The following SEPTIN7 variants were observed in gnomAD, a reference collection of about 807,000 sequenced individuals.
SEPTIN7 encodes the protein septin-7.
Under a neutral mutation model 63.3 loss-of-function variants are expected in SEPTIN7, and 10 were observed. The observed-to-expected ratio is 0.16, with a 90% CI of 0.10 to 0.27. The LOEUF is 0.27. SEPTIN7 is among the 10% of genes least tolerant of loss of function. The pLI is 1.00. For synonymous variants in SEPTIN7, 131 were observed against 165.3 expected (o/e 0.79, Z 1.59); for missense variants, 310 against 521.0 (o/e 0.59, Z 3.94).
chr7:35,884,924 T>C (rs1787135096), intron 9 of SEPTIN7, among the ~76,000 whole-genome samples: 1 of 152,200 alleles, frequency 6.6e-6, no homozygotes, highest in South Asian at 2.1e-4. Context: ...ATTGTATTGG[T>C]TTAATCTGAT....
intron 3 of SEPTIN7, among the ~76,000 whole-genome samples, chr7:35,856,005 T>C (rs1208567707): frequency 6.6e-6 from 1 of 152,240 alleles, no homozygotes; most frequent in Admixed American, 6.5e-5. Flanking sequence ...TATATTCTTC[T>C]GTCATATCAA....
intron 1 of SEPTIN7, among the ~76,000 whole-genome samples, chr7:35,826,694 T>G (rs1783533366): frequency 6.6e-6 from 1 of 152,116 alleles, no homozygotes; most frequent in Non-Finnish European, 1.5e-5. Flanking sequence ...AGGCATCCAT[T>G]CTGTTACAAA....
intron 1 of SEPTIN7, chr7:35,811,970 CAA>C (rs1265256214): frequency 5.6e-6 from 1 of 177,554 alleles, no homozygotes; most frequent in Non-Finnish European, 1.2e-5. Flanking sequence ...AAAAAACAAA[CAA>C]AAAAATTAGC....
chr7:35,850,005 TTTC>T (rs1463175852), intron 3 of SEPTIN7, among the ~76,000 whole-genome samples: 2 of 152,244 alleles, frequency 1.3e-5, no homozygotes, highest in African/African-American at 4.8e-5. Flanking sequence ...ATTTCTTAAT[TTTC>T]TTTTTAGGGA....
At chr7:35,852,242 CTGACACACAGAAGTATGGT>C (rs1049423524) in intron 3 of SEPTIN7, among the ~76,000 whole-genome samples, 3 of 152,112 alleles carry the variant, frequency 2.0e-5, no homozygotes, top group Admixed American at 1.3e-4. Flanking sequence ...GGTGAGGGCA[CTGACACACAGAAGTATGGT>C]TTGCCCAAGG....
intron 6 of SEPTIN7, among the ~76,000 whole-genome samples, chr7:35,879,381 G>T (rs1786691679): frequency 6.6e-6 from 1 of 152,082 alleles, no homozygotes; most frequent in African/African-American, 2.4e-5. Context: ...CTACTCAGGA[G>T]GCTGAGATGG....
At chr7:35,873,252 A>G (rs1452234769) in intron 5 of SEPTIN7, among the ~76,000 whole-genome samples, 1 of 151,922 alleles carries the variant, frequency 6.6e-6, no homozygotes, top group African/African-American at 2.4e-5. Context: ...ATTGTTTTTG[A>G]GGTAATTTTC....
chr7:35,807,605 C>T (rs1788434578), intron 1 of SEPTIN7, among the ~76,000 whole-genome samples: 1 of 151,860 alleles, frequency 6.6e-6, no homozygotes, highest in South Asian at 2.1e-4. Context: ...CCTCATGATC[C>T]GCCCGTCTTG....
In SEPTIN7 at chr7:35,872,683, T is replaced by A; in HGVS notation, c.294T>A (p.Val98=). ...KKTVQVEQSK[V]LIKEGGVQLL... ...TCTTACAGGTGGAACAATCCAAAGTTTTAATCAAAGAAGGTGGTGTTCAGT... is the reference window on the plus strand; with the variant it reads ...TCTTACAGGTGGAACAATCCAAAGTATTAATCAAAGAAGGTGGTGTTCAGT... The change falls in exon 5 of 14, where the codon GTT becomes GTA. Residue 98 remains valine (V), a synonymous_variant. Coordinates refer to ENST00000350320, the MANE Select transcript of SEPTIN7 (RefSeq NM_001788.6). 6.2e-7 allele frequency: 1 copy of A among 1,612,230 alleles called. No individual in the cohort carries two copies.
At chr7:35,812,236 C>T (rs1416772792) in intron 1 of SEPTIN7, among the ~76,000 whole-genome samples, 2 of 151,746 alleles carry the variant, frequency 1.3e-5, no homozygotes, top group Non-Finnish European at 2.9e-5. Flanking sequence ...AGTAGACCCA[C>T]CAAAAATACT....
chr7:35,850,966 C>T (rs1296486719), intron 3 of SEPTIN7, among the ~76,000 whole-genome samples: 2 of 152,106 alleles, frequency 1.3e-5, no homozygotes, highest in East Asian at 3.8e-4. Flanking sequence ...AGCAGGACTT[C>T]TCAGATTCTT....
At chr7:35,842,940 ATG>A (rs930792898) in intron 3 of SEPTIN7, among the ~76,000 whole-genome samples, 1 of 152,190 alleles carries the variant, frequency 6.6e-6, no homozygotes, top group African/African-American at 2.4e-5. Context: ...TTATATATAT[ATG>A]TGTGTGTGTA....
the SEPTIN7 span, among the ~76,000 whole-genome samples, chr7:35,913,869 C>T: frequency 4.5e-4 from 69 of 152,304 alleles, no homozygotes; most frequent in Non-Finnish European, 4.3e-4. Context: ...GGATTACAGG[C>T]ATGAGCCACT....
At chr7:35,875,573 C>T (rs1054534741) in intron 6 of SEPTIN7, among the ~76,000 whole-genome samples, 1 of 152,170 alleles carries the variant, frequency 6.6e-6, no homozygotes, top group Non-Finnish European at 1.5e-5. Context: ...CAAGTATGAA[C>T]TGCATGCATG....
intron 11 of SEPTIN7, among the ~76,000 whole-genome samples, chr7:35,891,089 A>G (rs1787611134): frequency 6.6e-6 from 1 of 152,136 alleles, no homozygotes; most frequent in African/African-American, 2.4e-5. Flanking sequence ...CCAGGGAGTA[A>G]ATTAGCTGGA....
At chr7:35,801,419 G>A (rs1787960574) in intron 1 of SEPTIN7, 149 bp downstream of exon 1, 1 of 974,284 alleles carries the variant, frequency 1.0e-6, no homozygotes, top group Non-Finnish European at 1.4e-6. Context: ...TGCGGGCCCG[G>A]GGCGCGGCAG....
chr7:35,867,349 A>ATATT (rs1785868399), intron 4 of SEPTIN7, among the ~76,000 whole-genome samples: 1 of 151,898 alleles, frequency 6.6e-6, no homozygotes, highest in Admixed American at 6.6e-5. Context: ...GAAAATTTTT[A>ATATT]TATTTATTTA....
downstream of SEPTIN7, among the ~76,000 whole-genome samples, chr7:35,909,789 T>C (rs541788555): frequency 6.6e-6 from 1 of 152,382 alleles, no homozygotes; most frequent in South Asian, 2.1e-4. Context: ...TTTGTATTTG[T>C]TATCCATTGT....
At chr7:35,886,008 A>T (rs1364840189) in intron 10 of SEPTIN7, 129 bp downstream of exon 10, 1 of 645,206 alleles carries the variant, frequency 1.5e-6, no homozygotes, top group Non-Finnish European at 2.7e-6. Context: ...CCATGAAGTA[A>T]ACACTACATA....
Sources: gnomAD v4.1 joint callset for allele counts (sites outside exome capture counted in the v4.1 genomes callset) on GRCh38, gnomAD v4.1.1 for gene constraint, MANE v1.5 for transcripts, NCBI Gene and HGNC (gene_info 2026-07-23, HGNC 2026-07-21) for gene names.